MPPED1: variants seen among roughly 807,000 people sequenced by gnomAD.
MPPED1 encodes the protein metallophosphoesterase domain containing 1, also known as metallophosphoesterase domain-containing protein 1.
In MPPED1, 16 loss-of-function variants were observed where a neutral mutation model predicts 36.2. The ratio of observed to expected loss-of-function variants is 0.44; its 90% CI spans 0.30 to 0.67. The LOEUF is 0.67. Ranked by LOEUF, MPPED1 falls within the 30% of genes least tolerant of loss-of-function variation. MPPED1 has a pLI of 0.10. For missense variants in MPPED1, 307 were observed against 453.4 expected (o/e 0.68, Z 2.93); for synonymous variants, 199 against 191.3 (o/e 1.04, Z -0.33).
intron 5 of MPPED1, among the ~76,000 whole-genome samples, chr22:43,501,035 G>A (rs913572991): frequency 9.2e-5 from 14 of 152,084 alleles, no homozygotes; most frequent in African/African-American, 3.1e-4. Context: ...ACCACTTTGT[G>A]CCCCTACCCA....
chr22:43,463,381 G>A (rs183827607), intron 3 of MPPED1, among the ~76,000 whole-genome samples: 1 of 146,180 alleles, frequency 6.8e-6, no homozygotes, highest in East Asian at 2.0e-4. Flanking sequence ...ACCCAGGCCA[G>A]AGTGCAGTGG....
rs1172777603 is a variant in MPPED1, at chr22:43,502,342, G to A, written c.749-302G>A. On this transcript the variant is annotated intron_variant, in intron 5 of 6. Coordinates refer to ENST00000443721, the MANE Select transcript of MPPED1 (RefSeq NM_001044370.2). This position sits in a 1 kb window ranked among gnomAD's most constrained non-coding sequence, Gnocchi z 5.5. ...GGCCACTCGAGCACAGATGGTCTGG[G>A]GGGCGCCAGCAGTTACTGAGCACCC... 6.6e-6 allele frequency among the ~76,000 whole-genome samples: 1 copy of A among 152,170 alleles called. No homozygotes were observed. Among genetic ancestry groups the A allele is most frequent in the Non-Finnish European group, 1.5e-5 (1 of 68,030 alleles).
At chr22:43,488,738 T>G (rs183880062) in intron 4 of MPPED1, among the ~76,000 whole-genome samples, 8 of 152,372 alleles carry the variant, frequency 5.3e-5, no homozygotes, top group Admixed American at 3.3e-4. Context: ...TATCATTCTG[T>G]AAGAAAATTA....
intron 1 of MPPED1, among the ~76,000 whole-genome samples, chr22:43,421,757 T>G (rs1379982371): frequency 6.6e-6 from 1 of 152,162 alleles, no homozygotes; most frequent in Non-Finnish European, 1.5e-5. Context: ...CCTCCATCCA[T>G]CCACTAATAC....
At chr22:43,493,175 T>G (rs1932155103) in intron 4 of MPPED1, among the ~76,000 whole-genome samples, 1 of 152,160 alleles carries the variant, frequency 6.6e-6, no homozygotes, top group Admixed American at 6.5e-5. Flanking sequence ...ACATCAGATC[T>G]GGGTTTGAGA....
At chr22:43,475,050 G>A (rs1931501272) in intron 4 of MPPED1, 89 bp downstream of exon 4, 12 of 1,193,296 alleles carry the variant, frequency 1.0e-5, no homozygotes, top group Non-Finnish European at 1.5e-5. Context: ...AGTAGCAGCA[G>A]GGAGCTCCGG....
chr22:43,443,612 A>G (rs912179562), intron 3 of MPPED1, among the ~76,000 whole-genome samples: 1 of 152,062 alleles, frequency 6.6e-6, no homozygotes, highest in African/African-American at 2.4e-5. Context: ...TTTGACAAAT[A>G]TTTGTTAAAG....
intron 5 of MPPED1, among the ~76,000 whole-genome samples, chr22:43,501,236 C>A (rs1020518345): frequency 2.0e-5 from 3 of 152,216 alleles, no homozygotes; most frequent in African/African-American, 7.2e-5. Context: ...CGTCAACATT[C>A]GGTGTCATTG....
chr22:43,463,891 G>T (rs12166838), intron 3 of MPPED1, among the ~76,000 whole-genome samples: 88 of 99,610 alleles, frequency 8.8e-4, no homozygotes, highest in Middle Eastern at 5.7e-3. Flanking sequence ...CTGTCTGTCT[G>T]TCTTTCTTTC....
chr22:43,460,163 C>T (rs13054855), intron 3 of MPPED1, among the ~76,000 whole-genome samples: 10 of 150,832 alleles, frequency 6.6e-5, no homozygotes, highest in African/African-American at 1.7e-4. Context: ...GCCAAGATTG[C>T]GCCATTGCAC....
chr22:43,441,090 T>G (rs895618465), intron 3 of MPPED1, among the ~76,000 whole-genome samples: 1 of 152,082 alleles, frequency 6.6e-6, no homozygotes, highest in African/African-American at 2.4e-5. Context: ...ATCCAGCCAC[T>G]GCATTGTCTA....
At chr22:43,442,356 C>A (rs1436327061) in intron 3 of MPPED1, among the ~76,000 whole-genome samples, 1 of 151,934 alleles carries the variant, frequency 6.6e-6, no homozygotes, top group African/African-American at 2.4e-5. Flanking sequence ...CTCCTTCCTG[C>A]CTGGGTGCAC....
chr22:43,437,863 T>C (rs135066), intron 3 of MPPED1, among the ~76,000 whole-genome samples: 3,168 of 152,150 alleles, frequency 0.021, 51 homozygotes, highest in Middle Eastern at 0.051. Flanking sequence ...GAGGAAGACA[T>C]TGGACCTGAA....
intron 4 of MPPED1, 137 bp downstream of exon 4, chr22:43,475,098 C>A: frequency 1.4e-6 from 1 of 722,306 alleles, no homozygotes; most frequent in Non-Finnish European, 2.3e-6. Flanking sequence ...CCCTTACCCT[C>A]TGTGTGACCT....
intron 4 of MPPED1, among the ~76,000 whole-genome samples, chr22:43,485,036 C>T (rs756751884): frequency 1.2e-4 from 18 of 152,122 alleles, no homozygotes; most frequent in Non-Finnish European, 2.4e-4. Context: ...CACACACACA[C>T]ATATTCACAT....
At chr22:43,427,149 C>A (rs377623672) in intron 2 of MPPED1, among the ~76,000 whole-genome samples, 4 of 152,220 alleles carry the variant, frequency 2.6e-5, no homozygotes, top group Non-Finnish European at 4.4e-5. Flanking sequence ...GCACCACATA[C>A]AGTGGGACCA....
chr22:43,503,091 A>G (rs1403010031), intron 6 of MPPED1, among the ~76,000 whole-genome samples: 1 of 152,060 alleles, frequency 6.6e-6, no homozygotes, highest in Non-Finnish European at 1.5e-5. Flanking sequence ...GACATGGAGG[A>G]TGCATTATAT....
chr22:43,505,420 G>A (rs1454099312), intron 6 of MPPED1, 78 bp from the exon 7 acceptor site: 1 of 1,284,508 alleles, frequency 7.8e-7, no homozygotes, highest in Non-Finnish European at 1.1e-6. Flanking sequence ...GGGGCTGAGT[G>A]CCCTATGACT....
chr22:43,420,324 A>C (rs1929221697), intron 1 of MPPED1, among the ~76,000 whole-genome samples: 1 of 152,100 alleles, frequency 6.6e-6, no homozygotes, highest in East Asian at 1.9e-4. Flanking sequence ...TCAGGGACTT[A>C]GCACTTCCCC....
Sources: allele counts gnomAD v4.1 joint callset (sites outside exome capture counted in the v4.1 genomes callset), GRCh38; gene constraint gnomAD v4.1.1; non-coding constraint Gnocchi (gnomAD v3.1); transcripts MANE v1.5; gene names NCBI Gene and HGNC (gene_info 2026-07-23, HGNC 2026-07-21).